CNTNAP2: variants seen among roughly 807,000 people sequenced by gnomAD.
The protein encoded by CNTNAP2 is contactin-associated protein-like 2.
Under a neutral mutation model 155.2 loss-of-function variants are expected in CNTNAP2, and 98 were observed. That is an observed-to-expected ratio of 0.63 (90% CI 0.54 to 0.75). The LOEUF (loss-of-function observed/expected upper bound fraction) is 0.75. Among genes scored for constraint, CNTNAP2 ranks in the 30% least tolerant of loss-of-function variants. The pLI, the probability that CNTNAP2 is intolerant of heterozygous loss-of-function variation, is 0.00. For missense variants in CNTNAP2, 1,727 were observed against 1,688.1 expected (o/e 1.02, Z -0.40); for synonymous variants, 651 against 631.2 (o/e 1.03, Z -0.47).
intron 13 of CNTNAP2, among the ~76,000 whole-genome samples, chr7:147,832,813 A>G (rs1798574155): frequency 7.2e-6 from 1 of 138,126 alleles, no homozygotes; most frequent in Non-Finnish European, 1.5e-5. Flanking sequence ...TTAATTATAT[A>G]TAGTTATATA....
chr7:146,851,371 A>G (rs1159541943), intron 3 of CNTNAP2, among the ~76,000 whole-genome samples: 1 of 152,108 alleles, frequency 6.6e-6, no homozygotes, highest in East Asian at 1.9e-4. Flanking sequence ...TTGGTCTTTA[A>G]TGCTATTGTT....
At chr7:148,088,748 C>G (rs1803784614) in intron 15 of CNTNAP2, among the ~76,000 whole-genome samples, 1 of 151,872 alleles carries the variant, frequency 6.6e-6, no homozygotes, top group South Asian at 2.1e-4. Flanking sequence ...GGATAAAATA[C>G]CAATTTTTTG....
chr7:146,850,669 T>C (rs1265286215), intron 3 of CNTNAP2, among the ~76,000 whole-genome samples: 1 of 152,148 alleles, frequency 6.6e-6, no homozygotes. Context: ...AACTAACTTA[T>C]TATGGTAATC....
chr7:147,299,964 T>A (rs1794911201), intron 8 of CNTNAP2, among the ~76,000 whole-genome samples, 177 bp from the exon 9 acceptor site: 1 of 152,190 alleles, frequency 6.6e-6, no homozygotes, highest in Non-Finnish European at 1.5e-5. Flanking sequence ...AGGTGGAGTA[T>A]AGAACCACTT....
intron 10 of CNTNAP2, among the ~76,000 whole-genome samples, chr7:147,455,785 C>T (rs1014744753): frequency 6.6e-6 from 1 of 152,054 alleles, no homozygotes; most frequent in African/African-American, 2.4e-5. Flanking sequence ...TAAAATAACA[C>T]TAAATAAAAT....
intron 4 of CNTNAP2, among the ~76,000 whole-genome samples, chr7:147,101,865 C>T (rs1025431135): frequency 1.3e-5 from 2 of 152,086 alleles, no homozygotes; most frequent in African/African-American, 2.4e-5. Context: ...ATGGGGAGCA[C>T]GGCAGGCCAG....
intron 3 of CNTNAP2, among the ~76,000 whole-genome samples, chr7:146,950,843 G>A (rs545149816): frequency 2.6e-5 from 4 of 152,020 alleles, no homozygotes; most frequent in Non-Finnish European, 5.9e-5. Context: ...GGTATTTCTG[G>A]TTCTAGATCC....
chr7:147,354,919 A>C (rs749785849), intron 9 of CNTNAP2, among the ~76,000 whole-genome samples: 3 of 152,100 alleles, frequency 2.0e-5, no homozygotes, highest in South Asian at 2.1e-4. Flanking sequence ...GAGTTTGCTC[A>C]TGATTTGGCT....
chr7:148,247,838 G>A (rs766488650), intron 20 of CNTNAP2, among the ~76,000 whole-genome samples: 42 of 151,486 alleles, frequency 2.8e-4, no homozygotes, highest in South Asian at 2.1e-4. Flanking sequence ...ATTTTTAGTA[G>A]AGATGAAGTT....
At chr7:147,679,217 C>T (rs1795913286) in intron 13 of CNTNAP2, among the ~76,000 whole-genome samples, 1 of 151,804 alleles carries the variant, frequency 6.6e-6, no homozygotes, top group Non-Finnish European at 1.5e-5. Flanking sequence ...GGAAAAAGCT[C>T]TCTGAAAAAA....
At chr7:146,479,007 G>A (rs1191398820) in intron 1 of CNTNAP2, among the ~76,000 whole-genome samples, 1 of 152,034 alleles carries the variant, frequency 6.6e-6, no homozygotes, top group Non-Finnish European at 1.5e-5. Flanking sequence ...TGCTTATTTA[G>A]TATTGAAGTA....
chr7:146,990,201 G>T (rs1798186507), intron 3 of CNTNAP2, among the ~76,000 whole-genome samples: 1 of 152,168 alleles, frequency 6.6e-6, no homozygotes, highest in African/African-American at 2.4e-5. Flanking sequence ...ATTAAGGTCA[G>T]ATGAAAACTT....
rs868776585 is a variant in CNTNAP2 at position 147,949,456 on chromosome 7, A to T, written c.2256-28406A>T. Among the ~76,000 whole-genome samples, 201 of 131,010 alleles carry T rather than the reference A, an allele frequency of 1.5e-3. 1 individual carries two copies. The highest frequency in any genetic ancestry group is 6.2e-3 in the African/African-American group (179 of 28,996). The allele number at this position is 131,010 out of a possible 152,430, so 85.9% of individuals were successfully genotyped here. On this transcript the variant is annotated intron_variant, in intron 14 of 23. Transcript: ENST00000361727. ...CAACTGTGTGTATATATATATATATATATTTTTTTTTTTTAGGTTTATTGC... is the reference window on the plus strand; with the variant it reads ...CAACTGTGTGTATATATATATATATTTATTTTTTTTTTTTAGGTTTATTGC...
intron 11 of CNTNAP2, among the ~76,000 whole-genome samples, chr7:147,490,779 A>G (rs1798594234): frequency 6.6e-6 from 1 of 152,312 alleles, no homozygotes; most frequent in Non-Finnish European, 1.5e-5. Context: ...ATTTAGAAAG[A>G]AAAGGGGTTT....
intron 2 of CNTNAP2, among the ~76,000 whole-genome samples, chr7:146,812,651 C>T (rs752668884): frequency 1.1e-4 from 16 of 152,038 alleles, no homozygotes; most frequent in Non-Finnish European, 2.1e-4. Flanking sequence ...AAGAAAAACC[C>T]GTTTTCCAGG....
chr7:146,946,960 G>A (rs1797189953), intron 3 of CNTNAP2, among the ~76,000 whole-genome samples: 1 of 152,002 alleles, frequency 6.6e-6, no homozygotes, highest in Admixed American at 6.6e-5. Context: ...TGTTCCTGTA[G>A]ATTTAGACTG....
intron 18 of CNTNAP2, among the ~76,000 whole-genome samples, chr7:148,205,182 G>A (rs1041281389): frequency 6.6e-6 from 1 of 152,226 alleles, no homozygotes; most frequent in Admixed American, 6.5e-5. Context: ...AGGCAGATCA[G>A]CTGAGCACGT....
In CNTNAP2 at chr7:146,748,121, G is replaced by C. The variant is rs537535965; in HGVS notation, c.98-26150G>C. On this transcript the variant is annotated intron_variant, in intron 1 of 23. Transcript: ENST00000361727. The stretch of plus-strand genomic sequence containing the variant: ...AAAGTAGTTTGTCCAGATCTATGTG[G>C]TGTTTTCTTTTCTTTTCTTTTCTTT... 1.7e-4 allele frequency among the ~76,000 whole-genome samples: 24 copies of C among 138,834 alleles called. No homozygotes were observed. In the East Asian group the frequency reaches 2.9e-3, roughly 17 times the overall value. The allele number at this position is 138,834 out of a possible 152,430, so 91.1% of individuals were successfully genotyped here. A position where few individuals can be genotyped will look rare whatever the true frequency, so the allele number is the denominator to read the frequency against.
At chr7:146,804,094 A>C (rs1802926690) in intron 2 of CNTNAP2, among the ~76,000 whole-genome samples, 1 of 152,158 alleles carries the variant, frequency 6.6e-6, no homozygotes, top group Non-Finnish European at 1.5e-5. Context: ...ACACCTTGTG[A>C]CTACATCTTC....
Sources: gnomAD v4.1 joint callset for allele counts (sites outside exome capture counted in the v4.1 genomes callset) on GRCh38, gnomAD v4.1.1 for gene constraint, MANE v1.5 for transcripts, NCBI Gene and HGNC (gene_info 2026-07-23, HGNC 2026-07-21) for gene names.